Variants in PTPRT observed in about 807,000 individuals in gnomAD.
The protein encoded by PTPRT is receptor-type tyrosine-protein phosphatase T.
A neutral mutation model predicts 176.8 loss-of-function variants in PTPRT; 56 were observed. The observed-to-expected ratio is 0.32, with a 90% CI of 0.26 to 0.40. The LOEUF is 0.40. PTPRT is among the 10% of genes least tolerant of loss of function. The pLI, the probability that PTPRT is intolerant of heterozygous loss-of-function variation, is 1.00. For missense variants in PTPRT, 1,540 were observed against 1,908.2 expected (o/e 0.81, Z 3.60); for synonymous variants, 783 against 739.0 (o/e 1.06, Z -0.96).
intron 7 of PTPRT, among the ~76,000 whole-genome samples, chr20:42,542,560 T>C (rs2072602911): frequency 6.6e-6 from 1 of 152,198 alleles, no homozygotes; most frequent in African/African-American, 2.4e-5. Context: ...TGTTATGTAA[T>C]TCTGTAAGAG....
At chr20:43,141,773 A>G (rs1371769995) in intron 1 of PTPRT, among the ~76,000 whole-genome samples, 1 of 152,216 alleles carries the variant, frequency 6.6e-6, no homozygotes, top group Non-Finnish European at 1.5e-5. Flanking sequence ...TAAATAGAAC[A>G]GCTCTCAATT....
chr20:42,536,744 G>A (rs1208432041), intron 7 of PTPRT, among the ~76,000 whole-genome samples: 1 of 152,102 alleles, frequency 6.6e-6, no homozygotes, highest in Non-Finnish European at 1.5e-5. Context: ...CATTAGACTG[G>A]CAGAAATGAA....
At chr20:42,081,152 C>A (rs896605845) in intron 30 of PTPRT, among the ~76,000 whole-genome samples, 2 of 152,162 alleles carry the variant, frequency 1.3e-5, no homozygotes, top group Non-Finnish European at 2.9e-5. Flanking sequence ...CAGCTGGCAT[C>A]ATTCCCTTTC....
At chr20:42,536,506 C>T (rs1256813951) in intron 7 of PTPRT, among the ~76,000 whole-genome samples, 1 of 152,142 alleles carries the variant, frequency 6.6e-6, no homozygotes, top group Non-Finnish European at 1.5e-5. Flanking sequence ...TCAGGAGATA[C>T]CTGCATTCCT....
intron 7 of PTPRT, among the ~76,000 whole-genome samples, chr20:42,559,020 A>G (rs985506084): frequency 6.6e-6 from 1 of 152,152 alleles, no homozygotes; most frequent in African/African-American, 2.4e-5. Flanking sequence ...CATGAGGACA[A>G]ACACCCCAAA....
At chr20:42,455,692 T>C (rs2145874659) in intron 8 of PTPRT, among the ~76,000 whole-genome samples, 1 of 152,294 alleles carries the variant, frequency 6.6e-6, no homozygotes, top group South Asian at 2.1e-4. Flanking sequence ...AAAAATACTT[T>C]TAATTCCTCA....
intron 3 of PTPRT, among the ~76,000 whole-genome samples, chr20:42,789,559 A>G (rs1265226060): frequency 1.3e-5 from 2 of 152,200 alleles, no homozygotes; most frequent in South Asian, 4.1e-4. Context: ...AATGTATGTG[A>G]AACATTTTGT....
At chr20:42,170,518 A>C (rs961044478) in intron 16 of PTPRT, among the ~76,000 whole-genome samples, 2 of 152,244 alleles carry the variant, frequency 1.3e-5, no homozygotes, top group African/African-American at 4.8e-5. Context: ...GTAAGAAACA[A>C]TTGTAAAGAA....
At chr20:42,550,726 G>T (rs920103492) in intron 7 of PTPRT, among the ~76,000 whole-genome samples, 1 of 151,774 alleles carries the variant, frequency 6.6e-6, no homozygotes, top group Non-Finnish European at 1.5e-5. Flanking sequence ...TTACACCTGT[G>T]GAAAAAAAGA....
intron 6 of PTPRT, among the ~76,000 whole-genome samples, chr20:42,725,037 GTGTGTT>G (rs2076359288): frequency 6.6e-6 from 1 of 151,526 alleles, no homozygotes; most frequent in Non-Finnish European, 1.5e-5. Context: ...GTGTGTGTGT[GTGTGTT>G]TGAGACTGAG....
intron 9 of PTPRT, among the ~76,000 whole-genome samples, chr20:42,413,588 T>C (rs2059037229): frequency 6.6e-6 from 1 of 152,176 alleles, no homozygotes; most frequent in South Asian, 2.1e-4. Flanking sequence ...TATGATAAAA[T>C]GAGATTTATT....
chr20:42,826,429 G>C (rs1271996289), intron 2 of PTPRT, among the ~76,000 whole-genome samples: 2 of 152,180 alleles, frequency 1.3e-5, no homozygotes, highest in African/African-American at 4.8e-5. Flanking sequence ...CAAAATTTTA[G>C]TGCCAATCTC....
chr20:42,528,836 G>A (rs1456851462), intron 7 of PTPRT, among the ~76,000 whole-genome samples: 7 of 152,080 alleles, frequency 4.6e-5, no homozygotes, highest in Non-Finnish European at 8.8e-5. Context: ...AACATTCCAG[G>A]ACTGTGGCCA....
intron 1 of PTPRT, among the ~76,000 whole-genome samples, chr20:43,123,150 G>A (rs991531629): frequency 6.6e-5 from 10 of 152,130 alleles, no homozygotes; most frequent in African/African-American, 1.2e-4. Flanking sequence ...CACTGCACCC[G>A]GCCCCCTGGT....
intron 6 of PTPRT, among the ~76,000 whole-genome samples, chr20:42,724,770 CCT>C (rs1458218147): frequency 6.6e-6 from 1 of 152,174 alleles, no homozygotes; most frequent in East Asian, 1.9e-4. Context: ...TACGCTCCAG[CCT>C]AGCATAGCAT....
Position 42,170,222 on chromosome 20 carries a change from A to T in PTPRT, c.2492-8680T>A, listed in dbSNP as rs149667080. 4.8e-3 allele frequency among the ~76,000 whole-genome samples: 731 copies of T among 152,334 alleles called. 7 individuals are homozygous for T. The highest frequency in any genetic ancestry group is 0.017 in the African/African-American group (706 of 41,582). On this transcript the variant is annotated intron_variant, in intron 16 of 30. Coordinates refer to ENST00000373187, the MANE Select transcript of PTPRT (RefSeq NM_007050.6). The stretch of plus-strand genomic sequence containing the variant: ...TGGGTCCTCAATGACATTCATGGGC[A>T]TCTCATTCAACCAACTCTAACACTT...
At chr20:42,673,971 G>A (rs2075455694) in intron 7 of PTPRT, among the ~76,000 whole-genome samples, 2 of 152,090 alleles carry the variant, frequency 1.3e-5, no homozygotes, top group South Asian at 4.1e-4. Context: ...TCCTAACCCA[G>A]CCTGTAAATT....
intron 1 of PTPRT, among the ~76,000 whole-genome samples, chr20:43,021,810 G>GGA (rs1555818916): frequency 7.0e-6 from 1 of 142,806 alleles, no homozygotes; most frequent in Non-Finnish European, 1.5e-5. Flanking sequence ...GGAGATACAG[G>GGA]AAAAAAAAAA....
rs191857257 is a variant in PTPRT, at chr20:42,107,967, G to A, written c.3255-1046C>T. Reference sequence around the variant, plus strand: ...TTTGAATGAAGTCTGACTTAAGTTTGCTTCAGAACCTACTCCCCAAAATCC... The same window carrying A: ...TTTGAATGAAGTCTGACTTAAGTTTACTTCAGAACCTACTCCCCAAAATCC... On this transcript the variant is annotated intron_variant, in intron 23 of 30. Transcript: ENST00000373187. Among the ~76,000 whole-genome samples, 3 of 152,312 alleles carry A rather than the reference G, an allele frequency of 2.0e-5. No homozygotes were observed. In the East Asian group the frequency reaches 5.8e-4, roughly 29 times the overall value.
Sources: gnomAD v4.1 joint callset for allele counts (sites outside exome capture counted in the v4.1 genomes callset) on GRCh38, gnomAD v4.1.1 for gene constraint, MANE v1.5 for transcripts, NCBI Gene and HGNC (gene_info 2026-07-23, HGNC 2026-07-21) for gene names.